The following CCDC38 variants were observed in gnomAD, a reference collection of about 807,000 sequenced individuals.
CCDC38 encodes coiled-coil domain containing 38.
CCDC38 carries 69 observed loss-of-function variants against 72.8 expected under a neutral mutation model. That is an observed-to-expected ratio of 0.95 (90% CI 0.78 to 1.16). The LOEUF (loss-of-function observed/expected upper bound fraction) is 1.16. Ranked by LOEUF, CCDC38 falls within the 50% of genes most tolerant of loss-of-function variation. The probability of loss-of-function intolerance (pLI) is 0.00; values close to 1 mark genes in which losing one functional copy is unlikely to be tolerated. For missense variants in CCDC38, 626 were observed against 638.9 expected (o/e 0.98, Z 0.22); for synonymous variants, 201 against 213.2 (o/e 0.94, Z 0.50).
chr12:95,934,156 C>A (rs982021990), intron 2 of CCDC38: 2 of 151,866 alleles, frequency 1.3e-5, no homozygotes, highest in African/African-American at 4.8e-5. Context: ...TTTAAGACTG[C>A]ATATATACAG....
chr12:95,913,276 C>A (rs1179932314), intron 4 of CCDC38, among the ~76,000 whole-genome samples: 1 of 152,106 alleles, frequency 6.6e-6, no homozygotes, highest in Non-Finnish European at 1.5e-5. Context: ...TTGCCTGTGG[C>A]AGATTATGTT....
chr12:95,936,628 A>AGG, intron 1 of CCDC38, 105 bp from the exon 2 acceptor site: 1 of 817,134 alleles, frequency 1.2e-6, no homozygotes, highest in Non-Finnish European at 2.0e-6. Context: ...ATGGCTTTTA[A>AGG]AAGCAGTGAG....
intron 15 of CCDC38, 41 bp from the exon 16 acceptor site, chr12:95,867,230 C>T: frequency 9.5e-7 from 1 of 1,054,044 alleles, no homozygotes; most frequent in South Asian, 1.4e-5. Context: ...ATTTTTTGAG[C>T]ATAGCCATTT....
intron 6 of CCDC38, 43 bp from the exon 7 acceptor site, chr12:95,898,508 AACAAACAAAC>A: frequency 6.2e-7 from 1 of 1,612,742 alleles, no homozygotes; most frequent in Non-Finnish European, 8.5e-7. Flanking sequence ...CTTAGAAACA[AACAAACAAAC>A]AAACAAACAA....
intron 4 of CCDC38, among the ~76,000 whole-genome samples, chr12:95,910,146 A>G (rs1180531787): frequency 3.3e-5 from 5 of 152,220 alleles, no homozygotes; most frequent in Non-Finnish European, 7.3e-5. Flanking sequence ...CGATACCTAA[A>G]AAACCCCAAA....
intron 2 of CCDC38, among the ~76,000 whole-genome samples, chr12:95,931,375 G>A (rs1357661638): frequency 6.6e-6 from 1 of 152,148 alleles, no homozygotes; most frequent in Non-Finnish European, 1.5e-5. Flanking sequence ...CCCATATCAA[G>A]GTAATTAACT....
intron 10 of CCDC38, among the ~76,000 whole-genome samples, chr12:95,887,787 C>A (rs764545745): frequency 6.6e-6 from 1 of 152,172 alleles, no homozygotes; most frequent in Non-Finnish European, 1.5e-5. Context: ...CTATTTCTTA[C>A]AATTGTACGT....
At chr12:95,929,556 G>A (rs922867905) in intron 2 of CCDC38, among the ~76,000 whole-genome samples, 2 of 152,108 alleles carry the variant, frequency 1.3e-5, no homozygotes, top group Non-Finnish European at 2.9e-5. Flanking sequence ...GGCCATCTTG[G>A]CTCCTCCCCT....
chr12:95,911,995 G>T (rs1027561188), intron 4 of CCDC38, among the ~76,000 whole-genome samples: 2 of 152,198 alleles, frequency 1.3e-5, no homozygotes, highest in Non-Finnish European at 2.9e-5. Flanking sequence ...ACTGGCTAAA[G>T]AAAATGTGGT....
At chr12:95,922,680 A>C (rs2080222340) in intron 2 of CCDC38, among the ~76,000 whole-genome samples, 2 of 152,178 alleles carry the variant, frequency 1.3e-5, no homozygotes, top group South Asian at 4.1e-4. Context: ...TGAGGCTGAA[A>C]TATGTCAAGG....
intron 4 of CCDC38, among the ~76,000 whole-genome samples, chr12:95,911,549 G>GA (rs1320620822): frequency 6.6e-6 from 1 of 151,868 alleles, no homozygotes; most frequent in East Asian, 1.9e-4. Context: ...AAATTAACAA[G>GA]AAAAAAACAC....
intron 2 of CCDC38, among the ~76,000 whole-genome samples, chr12:95,928,795 G>T (rs1452540915): frequency 6.6e-6 from 1 of 152,150 alleles, no homozygotes; most frequent in Non-Finnish European, 1.5e-5. Flanking sequence ...GGAGTACCCG[G>T]CCGTGTGAGG....
At chr12:95,914,899 A>G (rs1325011736) in intron 4 of CCDC38, among the ~76,000 whole-genome samples, 1 of 152,028 alleles carries the variant, frequency 6.6e-6, no homozygotes, top group East Asian at 1.9e-4. Context: ...TCATGGTGTT[A>G]TCTAACATGG....
At position 95,903,433 on chromosome 12, in the gene CCDC38, A is replaced by T; in HGVS notation, c.369+2954T>A. Reference sequence around the variant, plus strand: ...GGACCTCCAGAACACTGACAAAAAGAAGTGGTGCAGTGGAAATCCTTGCCT... The same window carrying T: ...GGACCTCCAGAACACTGACAAAAAGTAGTGGTGCAGTGGAAATCCTTGCCT... On this transcript the variant is annotated intron_variant, in intron 5 of 15. Transcript: ENST00000344280. 5 of 699,874 alleles carry T rather than the reference A, an allele frequency of 7.1e-6. No homozygotes were observed. The East Asian group carries it at 1.3e-4, about 19-fold the overall frequency. The allele number at this position is 699,874 out of a possible 1,614,324, so 43.4% of individuals were successfully genotyped here.
chr12:95,869,819 CTA>C (rs1456289239), intron 14 of CCDC38: 5 of 322,680 alleles, frequency 1.5e-5, no homozygotes, highest in African/African-American at 3.7e-5. Context: ...AGATCTTGGT[CTA>C]TTTTTTTTTT....
In CCDC38 at chr12:95,917,276, T is replaced by A; in HGVS notation, c.157A>T (p.Asn53Tyr). Residue 53 changes from asparagine (N) to tyrosine (Y), a missense_variant, in exon 4 of 16, where the codon AAC becomes TAC. Transcript: ENST00000344280. ...AKETEKFMNR[N>Y]MKVYQKTTFS... ...GTAGTTTTCTGGTAGACTTTCATGT[T>A]ACGGTTCATAAATTTTTCCTGCCCA... 6.3e-7 allele frequency: 1 copy of A among 1,596,450 alleles called. No individual in the cohort carries two copies. The highest frequency in any genetic ancestry group is 8.5e-7 in the Non-Finnish European group (1 of 1,176,288).
At chr12:95,867,304 A>G (rs577516852) in intron 15 of CCDC38, 115 bp from the exon 16 acceptor site, 1 of 655,292 alleles carries the variant, frequency 1.5e-6, no homozygotes, top group Non-Finnish European at 2.7e-6. Context: ...ATGGTTTGTA[A>G]CATTAACTAA....
At chr12:95,881,372 C>A in intron 11 of CCDC38, 113 bp downstream of exon 11, 2 of 724,796 alleles carry the variant, frequency 2.8e-6, no homozygotes, top group South Asian at 1.8e-5. Context: ...ATATTTCTTT[C>A]TGGAAGGTTT....
At chr12:95,907,520 G>C (rs1243833472) in intron 4 of CCDC38, among the ~76,000 whole-genome samples, 3 of 117,428 alleles carry the variant, frequency 2.6e-5, no homozygotes, top group African/African-American at 1.2e-4. Context: ...CTTCCCAGTA[G>C]GGGCGGCCGG....
Sources: allele counts gnomAD v4.1 joint callset (sites outside exome capture counted in the v4.1 genomes callset), GRCh38; gene constraint gnomAD v4.1.1; transcripts MANE v1.5; gene names NCBI Gene and HGNC (gene_info 2026-07-23, HGNC 2026-07-21).